ZHX2: variants seen among roughly 807,000 people sequenced by gnomAD.
The protein encoded by ZHX2 is zinc fingers and homeoboxes protein 2.
ZHX2 carries 6 observed loss-of-function variants against 21.9 expected under a neutral mutation model. The observed-to-expected ratio is 0.27, with a 90% CI of 0.15 to 0.54. The LOEUF is 0.54. Among genes scored for constraint, ZHX2 ranks in the 20% least tolerant of loss-of-function variants. The probability of loss-of-function intolerance (pLI) is 0.95; values close to 1 mark genes in which losing one functional copy is unlikely to be tolerated. For missense variants in ZHX2, 908 were observed against 1,090.7 expected (o/e 0.83, Z 2.36); for synonymous variants, 434 against 437.1 (o/e 0.99, Z 0.09).
At chr8:122,918,256 A>G (rs1405737166) in intron 2 of ZHX2, among the ~76,000 whole-genome samples, 1 of 152,198 alleles carries the variant, frequency 6.6e-6, no homozygotes, top group Admixed American at 6.5e-5. Flanking sequence ...TGTCATTCCA[A>G]TCGTTCAACA....
intron 3 of ZHX2, among the ~76,000 whole-genome samples, chr8:122,954,716 G>A (rs1727126744): frequency 6.6e-6 from 1 of 152,178 alleles, no homozygotes; most frequent in African/African-American, 2.4e-5. Context: ...CGCTGGCTGT[G>A]GCCTGTTTGG....
chr8:122,917,736 A>G (rs940061496), intron 2 of ZHX2, among the ~76,000 whole-genome samples: 1 of 152,144 alleles, frequency 6.6e-6, no homozygotes. Flanking sequence ...TGGGCCTTGG[A>G]ATTTAAAAAA....
chr8:122,822,824 G>A (rs997244514), intron 1 of ZHX2, among the ~76,000 whole-genome samples: 1 of 152,204 alleles, frequency 6.6e-6, no homozygotes, highest in Non-Finnish European at 1.5e-5. Context: ...CCCGGCGGAT[G>A]GTGAGTGGAG....
intron 1 of ZHX2, among the ~76,000 whole-genome samples, chr8:122,788,633 C>G (rs1400198386): frequency 6.6e-6 from 1 of 152,144 alleles, no homozygotes; most frequent in African/African-American, 2.4e-5. Context: ...TATTCAAGGT[C>G]ACAGAAAGAA....
intron 2 of ZHX2, among the ~76,000 whole-genome samples, chr8:122,901,462 A>C (rs1820228379): frequency 6.6e-6 from 1 of 152,210 alleles, no homozygotes; most frequent in Admixed American, 6.5e-5. Context: ...CTAAGACCTT[A>C]CTTCTCAAAG....
intron 2 of ZHX2, among the ~76,000 whole-genome samples, chr8:122,884,891 A>G (rs1819803431): frequency 6.6e-6 from 1 of 152,200 alleles, no homozygotes; most frequent in Non-Finnish European, 1.5e-5. Flanking sequence ...ACACTGCAGA[A>G]CTCATCCATG....
intron 2 of ZHX2, among the ~76,000 whole-genome samples, chr8:122,927,381 G>T (rs890704625): frequency 5.3e-5 from 8 of 152,168 alleles, no homozygotes; most frequent in Non-Finnish European, 1.0e-4. Flanking sequence ...TATAATCCCA[G>T]ATACTTGGGA....
At chr8:122,882,154 C>T (rs1819727612) in intron 2 of ZHX2, among the ~76,000 whole-genome samples, 1 of 152,110 alleles carries the variant, frequency 6.6e-6, no homozygotes, top group African/African-American at 2.4e-5. Flanking sequence ...TTAATCTGCC[C>T]CTGAGATACC....
chr8:122,873,384 C>G (rs1426263481), intron 2 of ZHX2, among the ~76,000 whole-genome samples: 1 of 152,140 alleles, frequency 6.6e-6, no homozygotes, highest in Non-Finnish European at 1.5e-5. Flanking sequence ...GTCATCTCCC[C>G]CGGGGGCTTG....
chr8:122,805,150 G>A (rs571101224), intron 1 of ZHX2, among the ~76,000 whole-genome samples: 2 of 152,162 alleles, frequency 1.3e-5, no homozygotes, highest in Non-Finnish European at 2.9e-5. Flanking sequence ...CAAAGGAAGC[G>A]CTGGGTGGGG....
intron 2 of ZHX2, among the ~76,000 whole-genome samples, chr8:122,939,215 A>C (rs1394959769): frequency 6.6e-6 from 1 of 152,186 alleles, no homozygotes; most frequent in Non-Finnish European, 1.5e-5. Flanking sequence ...CCATGTTACA[A>C]ATGGAAAGGC....
chr8:122,835,913 T>C (rs1198733654), intron 1 of ZHX2, among the ~76,000 whole-genome samples: 1 of 152,158 alleles, frequency 6.6e-6, no homozygotes, highest in Non-Finnish European at 1.5e-5. Context: ...CAGACTGAAT[T>C]GCGAAAAAGA....
intron 2 of ZHX2, among the ~76,000 whole-genome samples, chr8:122,879,071 G>T (rs768610489): frequency 5.3e-5 from 8 of 152,204 alleles, no homozygotes; most frequent in African/African-American, 1.2e-4. Flanking sequence ...CTGCAGGGCA[G>T]CACAGCACTG....
chr8:122,881,551 A>C (rs75850833), intron 2 of ZHX2, among the ~76,000 whole-genome samples: 2,028 of 152,360 alleles, frequency 0.013, 52 homozygotes, highest in Admixed American at 0.058. Flanking sequence ...CCGTTTGGTA[A>C]ATATTACCTA....
At chr8:122,849,218 A>G (rs965807748) in intron 1 of ZHX2, among the ~76,000 whole-genome samples, 1 of 152,184 alleles carries the variant, frequency 6.6e-6, no homozygotes, top group Non-Finnish European at 1.5e-5. Flanking sequence ...TGTGGCTCTG[A>G]GTCTCCGTTT....
At chr8:122,929,254 G>A (rs1183433774) in intron 2 of ZHX2, among the ~76,000 whole-genome samples, 1 of 152,138 alleles carries the variant, frequency 6.6e-6, no homozygotes, top group East Asian at 1.9e-4. Flanking sequence ...GATCAGACTT[G>A]CTCATTCCAT....
intron 1 of ZHX2, among the ~76,000 whole-genome samples, chr8:122,793,160 G>A (rs1179855267): frequency 2.0e-5 from 3 of 152,204 alleles, no homozygotes; most frequent in Non-Finnish European, 4.4e-5. Context: ...TGGCACCTAG[G>A]CATGCCCTAG....
chr8:122,794,155 G>T (rs889209147), intron 1 of ZHX2, among the ~76,000 whole-genome samples: 1 of 152,152 alleles, frequency 6.6e-6, no homozygotes, highest in Non-Finnish European at 1.5e-5. Flanking sequence ...TTGTTATATT[G>T]ATACATAGAA....
chr8:122,854,938 T>C (rs1442179949), intron 1 of ZHX2, among the ~76,000 whole-genome samples: 1 of 152,236 alleles, frequency 6.6e-6, no homozygotes, highest in African/African-American at 2.4e-5. Context: ...TAGCCTCCAT[T>C]TTCCGATGTC....
Sources: allele counts gnomAD v4.1 joint callset (sites outside exome capture counted in the v4.1 genomes callset), GRCh38; gene constraint gnomAD v4.1.1; transcripts MANE v1.5; gene names NCBI Gene and HGNC (gene_info 2026-07-23, HGNC 2026-07-21).